MPHOSPH9: variants seen among roughly 807,000 people sequenced by gnomAD.
The protein encoded by MPHOSPH9 is M-phase phosphoprotein 9.
A neutral mutation model predicts 145.5 loss-of-function variants in MPHOSPH9; 88 were observed. The observed-to-expected ratio is 0.60, with a 90% CI of 0.51 to 0.72. MPHOSPH9 has a LOEUF of 0.72. Ranked by LOEUF, MPHOSPH9 falls within the 30% of genes least tolerant of loss-of-function variation. The probability of loss-of-function intolerance (pLI) is 0.00; values close to 1 mark genes in which losing one functional copy is unlikely to be tolerated. For missense variants in MPHOSPH9, 1,238 were observed against 1,386.6 expected, an observed-to-expected ratio of 0.89 and a Z score of 1.70; for synonymous variants, 435 against 486.2, an observed-to-expected ratio of 0.89 and a Z score of 1.39.
chr12:123,166,468 G>A, intron 17 of MPHOSPH9, 187 bp downstream of exon 17: 1 of 689,460 alleles, frequency 1.5e-6, no homozygotes, highest in Non-Finnish European at 2.5e-6. Flanking sequence ...AGGTGGGGAA[G>A]CTTGGCAGAG....
intron 11 of MPHOSPH9, among the ~76,000 whole-genome samples, chr12:123,199,688 G>C (rs1338703794): frequency 6.6e-6 from 1 of 151,800 alleles, no homozygotes; most frequent in Non-Finnish European, 1.5e-5. Flanking sequence ...AGCTACTCGG[G>C]AGGCTGAGGC....
At chr12:123,198,813 A>G (rs920984649) in intron 11 of MPHOSPH9, among the ~76,000 whole-genome samples, 2 of 148,862 alleles carry the variant, frequency 1.3e-5, no homozygotes, top group African/African-American at 4.9e-5. Flanking sequence ...CTGTCTCAAA[A>G]AAAAAAAAAA....
chr12:123,188,312 C>A (rs1297752999), intron 13 of MPHOSPH9, among the ~76,000 whole-genome samples: 1 of 152,120 alleles, frequency 6.6e-6, no homozygotes, highest in Non-Finnish European at 1.5e-5. Flanking sequence ...GGAAAATAAA[C>A]TGGTACAACC....
chr12:123,197,379 C>T (rs902204678), intron 12 of MPHOSPH9, among the ~76,000 whole-genome samples: 2 of 151,720 alleles, frequency 1.3e-5, no homozygotes, highest in African/African-American at 2.4e-5. Flanking sequence ...TGTATGTTAC[C>T]CAGGCTGGTC....
At position 123,179,935 on chromosome 12, in the gene MPHOSPH9, T is replaced by A; in HGVS notation, c.2345A>T (p.Asp782Val). The part of the protein sequence containing the change: ...KLLDAYTQIS[D>V]LKRMISKLEA... ...AGTTAATACATTTTACCTTTTCAAA[T>A]CAGAAATCTGAGTATATGCATCAAG... The change falls in exon 15 of 24, where the codon GAT becomes GTT. Residue 782 changes from aspartate to valine, a missense_variant. Transcript: ENST00000606320. 2 of 1,434,318 alleles carry A rather than the reference T, an allele frequency of 1.4e-6. No individual in the cohort carries two copies. The highest frequency in any genetic ancestry group is 1.9e-6 in the Non-Finnish European group (2 of 1,057,880). 88.8% of individuals were successfully genotyped at this position (1,434,318 alleles called of 1,614,324 possible). A position where few individuals can be genotyped will look rare whatever the true frequency, so the allele number is the denominator to read the frequency against.
At chr12:123,218,277 A>T in intron 6 of MPHOSPH9, 99 bp downstream of exon 6, 2 of 1,492,440 alleles carry the variant, frequency 1.3e-6, no homozygotes, top group South Asian at 2.6e-5. Context: ...CAAATTAACA[A>T]TACAAAAGAA....
chr12:123,166,621 T>C (rs2044332413), intron 17 of MPHOSPH9, 34 bp downstream of exon 17: 1 of 1,605,608 alleles, frequency 6.2e-7, no homozygotes, highest in Non-Finnish European at 8.5e-7. Flanking sequence ...AAACATAACA[T>C]CCCTAAATAG....
At position 123,221,565 on chromosome 12, in the gene MPHOSPH9, C is replaced by A; in HGVS notation, c.679G>T (p.Gly227Ter). 6.2e-7 allele frequency: 1 copy of A among 1,614,158 alleles called. No homozygotes were observed. The highest frequency in any genetic ancestry group is 8.5e-7 in the Non-Finnish European group (1 of 1,180,028). The change falls in exon 5 of 24, where the codon GGA (glycine) becomes TGA (stop). Residue 227 changes from glycine (G) to a stop codon, truncating the protein, a stop_gained. Coordinates refer to ENST00000606320, the MANE Select transcript of MPHOSPH9 (RefSeq NM_022782.4). LOFTEE classifies it high-confidence loss of function. ...GGCACCGCAGGTGCTACATACTGTCCTTTGGGAACATCTATGTGCTCCATG... is the reference window on the plus strand; with the variant it reads ...GGCACCGCAGGTGCTACATACTGTCATTTGGGAACATCTATGTGCTCCATG... ...EFMEHIDVPK[G>*]QYVAPAVPAE... is the part of the protein sequence containing the mutation.
intron 4 of MPHOSPH9, among the ~76,000 whole-genome samples, chr12:123,222,528 C>A (rs2047249759): frequency 6.6e-6 from 1 of 151,774 alleles, no homozygotes; most frequent in South Asian, 2.1e-4. Flanking sequence ...GTGGCACACA[C>A]CTGTATTCCC....
chr12:123,174,375 AT>A (rs55827423), intron 16 of MPHOSPH9, among the ~76,000 whole-genome samples: 105 of 142,830 alleles, frequency 7.4e-4, no homozygotes, highest in African/African-American at 1.8e-3. Context: ...GACGACTCCA[AT>A]TTTTTTTTTT....
At chr12:123,221,240 G>T in intron 5 of MPHOSPH9, 132 bp downstream of exon 5, 1 of 750,542 alleles carries the variant, frequency 1.3e-6, no homozygotes, top group Non-Finnish European at 2.1e-6. Context: ...AGTGTGCTTT[G>T]TTTATTTCAA....
In MPHOSPH9 at chr12:123,218,518, C is replaced by T. The variant is rs1346607100; in HGVS notation, c.873-19G>A. On this transcript the variant is annotated intron_variant, in intron 5 of 23. Transcript: ENST00000606320. ...AGCATTACTATTTAAGAAGAGAAAA[C>T]CAAAATTACTTTTTTTTTTTGTTTT... 6.2e-7 allele frequency: 1 copy of T among 1,604,108 alleles called. No homozygotes were observed. Among genetic ancestry groups the T allele is most frequent in the African/African-American group, 1.3e-5 (1 of 74,262 alleles).
chr12:123,210,669 G>C (rs1444128021), intron 7 of MPHOSPH9, among the ~76,000 whole-genome samples: 1 of 151,936 alleles, frequency 6.6e-6, no homozygotes, highest in African/African-American at 2.4e-5. Context: ...TCCAGCCTGA[G>C]TGATAGAGTG....
chr12:123,168,960 C>T (rs1005812427), intron 16 of MPHOSPH9, among the ~76,000 whole-genome samples: 1 of 151,656 alleles, frequency 6.6e-6, no homozygotes, highest in East Asian at 2.0e-4. Context: ...TCTCGGCTCA[C>T]GGCAAGCTCT....
intron 18 of MPHOSPH9, among the ~76,000 whole-genome samples, chr12:123,164,595 T>C (rs2044235046): frequency 6.6e-6 from 1 of 152,208 alleles, no homozygotes; most frequent in Non-Finnish European, 1.5e-5. Flanking sequence ...GAAGAGGAAA[T>C]GTTATATCTC....
chr12:123,226,317 A>C, intron 3 of MPHOSPH9: 1 of 1,159,194 alleles, frequency 8.6e-7, no homozygotes, highest in Non-Finnish European at 1.1e-6. Flanking sequence ...CGAATTCTTA[A>C]ACCAGGTAAT....
At chr12:123,225,670 C>T (rs922967096) in intron 3 of MPHOSPH9, among the ~76,000 whole-genome samples, 1 of 151,902 alleles carries the variant, frequency 6.6e-6, no homozygotes, top group Non-Finnish European at 1.5e-5. Context: ...TAGTTAAACA[C>T]AAATTTTCCA....
chr12:123,169,033 C>A (rs938544110), intron 16 of MPHOSPH9, among the ~76,000 whole-genome samples: 28 of 151,690 alleles, frequency 1.8e-4, no homozygotes, highest in African/African-American at 6.8e-4. Flanking sequence ...TACAGGCGCC[C>A]ACCACCACGC....
Position 123,202,941 on chromosome 12 carries a change from A to G in MPHOSPH9, c.1464T>C (p.Ser488=). ...SVLEPSMSSP[S]DIDSFSQASN... ...TTGCTTGTGAAAATGAGTCTATGTCAGAGGGACTAGACATACTAGGCTCTA... is the reference window on the plus strand; with the variant it reads ...TTGCTTGTGAAAATGAGTCTATGTCGGAGGGACTAGACATACTAGGCTCTA... The change falls in exon 10 of 24, where the codon TCT becomes TCC. Residue 488 remains serine, a synonymous_variant. Transcript: ENST00000606320. The G allele has an allele frequency of 1.2e-6, 2 of 1,614,128 alleles. No homozygotes were observed. Among genetic ancestry groups the G allele is most frequent in the Non-Finnish European group, 1.7e-6 (2 of 1,179,982 alleles).
Sources: gnomAD v4.1 joint callset for allele counts (sites outside exome capture counted in the v4.1 genomes callset) on GRCh38, gnomAD v4.1.1 for gene constraint, MANE v1.5 for transcripts, NCBI Gene and HGNC (gene_info 2026-07-23, HGNC 2026-07-21) for gene names.